Variants in HARS2 observed in about 807,000 individuals in gnomAD.
HARS2 encodes histidyl-tRNA synthetase 2, mitochondrial.
A neutral mutation model predicts 62.4 loss-of-function variants in HARS2; 40 were observed. The observed-to-expected ratio is 0.64, with a 90% CI of 0.50 to 0.83. The LOEUF (loss-of-function observed/expected upper bound fraction) is 0.83, where lower values mean the gene tolerates loss of function less well. HARS2 is among the 40% of genes least tolerant of loss of function. The pLI is 0.00. For synonymous variants in HARS2, 228 were observed against 227.0 expected (o/e 1.00, Z -0.04); for missense variants, 569 against 626.4 (o/e 0.91, Z 0.98).
At position 140,698,050 on chromosome 5, in the gene HARS2, A is replaced by AGATCCGT; in HGVS notation, c.1434_1440dup (p.Ser481AspfsTer13). ...CAAGAACTGAAAGAAGGGGTCATCA[A>AGATCCGT]GATCCGTTCAGTGGCCAGCAGAGAG... On this transcript the variant is annotated frameshift_variant, in exon 12 of 13. Transcript: ENST00000230771. LOFTEE classifies it high-confidence loss of function. 1 of 1,614,232 alleles carries AGATCCGT rather than the reference A, an allele frequency of 6.2e-7. No homozygotes were observed. The highest frequency in any genetic ancestry group is 8.5e-7 in the Non-Finnish European group (1 of 1,180,030).
At chr5:140,693,072 G>A (rs1759587097) in intron 1 of HARS2, among the ~76,000 whole-genome samples, 4 of 151,930 alleles carry the variant, frequency 2.6e-5, no homozygotes, top group Admixed American at 6.6e-5. Flanking sequence ...GGTGGCTCAT[G>A]TCTGTAATCC....
chr5:140,697,649 G>A lies in HARS2; in HGVS notation c.1278G>A (p.Leu426=), dbSNP rs1455515095. The A allele has an allele frequency of 2.5e-6, 4 of 1,613,606 alleles. No individual in the cohort carries two copies. The highest frequency in any genetic ancestry group is 3.4e-6 in the Non-Finnish European group (4 of 1,179,598). The change falls in exon 11 of 13, where the codon TTG becomes TTA. Residue 426 remains leucine, a synonymous_variant. Coordinates refer to ENST00000230771, the MANE Select transcript of HARS2 (RefSeq NM_012208.4). ...AGAAGAACTTTCTCCAAGAACGGTT[G>A]AAGCTTATTGCAGAGCTTTGGGATT... ...TPQKNFLQER[L]KLIAELWDSG...
At chr5:140,697,900 T>A (rs1317617491) in intron 11 of HARS2, 32 bp from the exon 12 acceptor site, 1 of 1,609,760 alleles carries the variant, frequency 6.2e-7, no homozygotes, top group South Asian at 1.1e-5. Context: ...TGTTCACTTC[T>A]AAGTCCCTTA....
In HARS2 at chr5:140,697,368, G is replaced by T. The variant is rs1410411754; in HGVS notation, c.1159G>T (p.Val387Phe). The T allele has an allele frequency of 3.7e-6, 6 of 1,614,082 alleles. No homozygotes were observed. The highest frequency in any genetic ancestry group is 4.2e-6 in the Non-Finnish European group (5 of 1,180,024). Residue 387 changes from valine to phenylalanine, a missense_variant, in exon 10 of 13, where the codon GTT becomes TTT. Transcript: ENST00000230771. ...GCCATGTGTGGGACTCAGCATTGGG[G>T]TTGAGCGAATCTTCTACATTGTGGA... Reference protein sequence around the residue: ...KVPCVGLSIGVERIFYIVEQR... With the variant: ...KVPCVGLSIGFERIFYIVEQR...
At chr5:140,696,810 G>C (rs1230487928) in intron 8 of HARS2, 133 bp from the exon 9 acceptor site, 5 of 959,362 alleles carry the variant, frequency 5.2e-6, no homozygotes, top group Non-Finnish European at 7.9e-6. Flanking sequence ...GGAGGGTCTT[G>C]TCATGTGAGA....
At position 140,695,621 on chromosome 5, in the gene HARS2, G is replaced by C. The variant is rs1239986338; in HGVS notation, c.513G>C (p.Glu171Asp). 2 of 1,614,256 alleles carry C rather than the reference G, an allele frequency of 1.2e-6. No individual in the cohort carries two copies. Among genetic ancestry groups the C allele is most frequent in the Non-Finnish European group, 1.7e-6 (2 of 1,180,046 alleles). ...SPTIVQGRYR[E>D]FCQCDFDIAG... The stretch of plus-strand genomic sequence containing the variant: ...CCATAGTCCAAGGCCGTTATAGGGA[G>C]TTCTGCCAGTGTGTAAGTGACCTGA... Residue 171 changes from glutamate to aspartate, a missense_variant, in exon 5 of 13, where the codon GAG becomes GAC. Coordinates refer to ENST00000230771, the MANE Select transcript of HARS2 (RefSeq NM_012208.4).
At chr5:140,693,402 C>G in intron 1 of HARS2, 189 bp from the exon 2 acceptor site, 1 of 1,118,722 alleles carries the variant, frequency 8.9e-7, no homozygotes, top group Non-Finnish European at 1.3e-6. Context: ...ATATATATTA[C>G]ACGTGTAATT....
chr5:140,697,601 T>C lies in HARS2; in HGVS notation c.1230T>C (p.Thr410=), dbSNP rs1759802623. 6 of 1,613,976 alleles carry C rather than the reference T, an allele frequency of 3.7e-6. No homozygotes were observed. The highest frequency in any genetic ancestry group is 1.6e-4 in the Middle Eastern group (1 of 6,062). ...GTGAGAAGGTGCGGACTACAGAGAC[T>C]CAAGTGTTTGTGGCCACACCACAGA... The part of the protein sequence containing the change: ...TKGEKVRTTE[T]QVFVATPQKN... The change falls in exon 11 of 13, where the codon ACT becomes ACC. Residue 410 remains threonine, a synonymous_variant. Coordinates refer to ENST00000230771, the MANE Select transcript of HARS2 (RefSeq NM_012208.4).
rs544581871 is a variant in HARS2 at position 140,693,368 on chromosome 5, C to T, written c.109-223C>T. The T allele has an allele frequency of 6.1e-6, 5 of 819,878 alleles. No individual in the cohort carries two copies. In the Admixed American group the frequency reaches 1.2e-4, roughly 20 times the overall value. 50.8% of individuals were successfully genotyped at this position (819,878 alleles called of 1,614,324 possible). ...AAAAAATCCATATACAGTGAGGAAGCTTGTGTGGTGAAGACCTGACCTCAT... is the reference window on the plus strand; with the variant it reads ...AAAAAATCCATATACAGTGAGGAAGTTTGTGTGGTGAAGACCTGACCTCAT... On this transcript the variant is annotated intron_variant, in intron 1 of 12. Transcript: ENST00000230771.
At position 140,697,381 on chromosome 5, in the gene HARS2, T is replaced by TC; in HGVS notation, c.1173dup (p.Tyr392LeufsTer12). ...CTCAGCATTGGGGTTGAGCGAATCT[T>TC]CTACATTGTGGAGCAGAGGATGAAG... On this transcript the variant is annotated frameshift_variant, in exon 10 of 13. Coordinates refer to ENST00000230771, the MANE Select transcript of HARS2 (RefSeq NM_012208.4). LOFTEE classifies it high-confidence loss of function. 1 of 1,613,998 alleles carries TC rather than the reference T, an allele frequency of 6.2e-7. No homozygotes were observed. The highest frequency in any genetic ancestry group is 8.5e-7 in the Non-Finnish European group (1 of 1,180,026).
At position 140,694,029 on chromosome 5, in the gene HARS2, T is replaced by A. The variant is rs772577211; in HGVS notation, c.278T>A (p.Met93Lys). The change falls in exon 3 of 13, where the codon ATG becomes AAG. Residue 93 changes from methionine to lysine, a missense_variant. Met to Lys is a moderately conservative substitution (Grantham distance 95). Transcript: ENST00000230771. Reference sequence around the variant, plus strand: ...TTTAAACGTCATGGAGCAAAGGGGATGGACACCCCAGCATTTGAGCTGAAG... The same window carrying A: ...TTTAAACGTCATGGAGCAAAGGGGAAGGACACCCCAGCATTTGAGCTGAAG... ...SCFKRHGAKG[M>K]DTPAFELKET... 2.5e-5 allele frequency: 40 copies of A among 1,614,040 alleles called. No homozygotes were observed. The highest frequency in any genetic ancestry group is 3.3e-5 in the Non-Finnish European group (39 of 1,180,006).
intron 1 of HARS2, 148 bp downstream of exon 1, chr5:140,691,904 C>T (rs1759507463): frequency 3.0e-6 from 2 of 656,156 alleles, no homozygotes; most frequent in Non-Finnish European, 5.5e-6. Flanking sequence ...GATTTGGATG[C>T]CTGGTCATTT....
intron 1 of HARS2, chr5:140,692,217 G>A (rs1022957827): frequency 1.1e-5 from 2 of 188,648 alleles, no homozygotes; most frequent in African/African-American, 4.8e-5. Flanking sequence ...TTTGGATTTT[G>A]GAATTGCAGA....
chr5:140,696,546 A>G lies in HARS2; in HGVS notation c.758A>G (p.Glu253Gly). 1 of 1,613,610 alleles carries G rather than the reference A, an allele frequency of 6.2e-7. No individual in the cohort carries two copies. Among genetic ancestry groups the G allele is most frequent in the Middle Eastern group, 1.6e-4 (1 of 6,062 alleles). Residue 253 changes from glutamate to glycine, a missense_variant, in exon 8 of 13, where the codon GAG (glutamate) becomes GGG (glycine). Coordinates refer to ENST00000230771, the MANE Select transcript of HARS2 (RefSeq NM_012208.4). ...DKMAWKDVRH[E>G]MVVKKGLAPE... Reference sequence around the variant, plus strand: ...ATGGCTTGGAAAGATGTGAGACATGAGATGGTGGTGAAGAAAGGCCTGGCT... The same window carrying G: ...ATGGCTTGGAAAGATGTGAGACATGGGATGGTGGTGAAGAAAGGCCTGGCT...
Position 140,696,577 on chromosome 5 carries a change from G to A in HARS2, c.789G>A (p.Glu263=). The A allele has an allele frequency of 6.2e-7, 1 of 1,613,786 alleles. No homozygotes were observed. Among genetic ancestry groups the A allele is most frequent in the Non-Finnish European group, 8.5e-7 (1 of 1,179,656 alleles). ...EMVVKKGLAP[E]VADRIGDYVQ... The stretch of plus-strand genomic sequence containing the variant: ...TGGTGAAGAAAGGCCTGGCTCCTGA[G>A]GTGGCTGATCGAATTGGGGACTATG... The change falls in exon 8 of 13, where the codon GAG becomes GAA. Residue 263 remains glutamate (E), a synonymous_variant. Coordinates refer to ENST00000230771, the MANE Select transcript of HARS2 (RefSeq NM_012208.4).
Position 140,697,647 on chromosome 5 carries a change from T to C in HARS2, c.1276T>C (p.Leu426=), listed in dbSNP as rs575506078. ...TPQKNFLQER[L]KLIAELWDSG... ...ACAGAAGAACTTTCTCCAAGAACGG[T>C]TGAAGCTTATTGCAGAGCTTTGGGA... is the stretch of plus-strand genomic sequence containing the variant. Residue 426 remains leucine (L), a synonymous_variant, in exon 11 of 13, where the codon TTG becomes CTG. Transcript: ENST00000230771. 8.7e-6 allele frequency: 14 copies of C among 1,613,694 alleles called. No homozygotes were observed. The highest frequency in any genetic ancestry group is 4.0e-5 in the African/African-American group (3 of 75,040).
Position 140,696,592 on chromosome 5 carries a change from TG to T in HARS2, c.808del (p.Asp270ThrfsTer11). The T allele has an allele frequency of 1.2e-6, 2 of 1,611,330 alleles. No homozygotes were observed. The highest frequency in any genetic ancestry group is 8.5e-7 in the Non-Finnish European group (1 of 1,177,400). On this transcript the variant is annotated frameshift_variant, in exon 8 of 13. Coordinates refer to ENST00000230771, the MANE Select transcript of HARS2 (RefSeq NM_012208.4). LOFTEE classifies it high-confidence loss of function. Reference protein sequence around the residue: ...GLAPEVADRIGDYVQCHGGVS... With the variant: ...GLAPEVADRIXDYVQCHGGVS... ...TGGCTCCTGAGGTGGCTGATCGAAT[TG>T]GGGACTATGTCCAGTGTCATGGTAA...
rs765116245 is a variant in HARS2 at position 140,698,057 on chromosome 5, T to C, written c.1440T>C (p.Arg480=). ...TGAAAGAAGGGGTCATCAAGATCCG[T>C]TCAGTGGCCAGCAGAGAGGAGGTGA... ...QELKEGVIKI[R]SVASREEVAI... is the part of the protein sequence containing the mutation. Residue 480 remains arginine, a synonymous_variant, in exon 12 of 13, where the codon CGT becomes CGC. Coordinates refer to ENST00000230771, the MANE Select transcript of HARS2 (RefSeq NM_012208.4). 6.2e-7 allele frequency: 1 copy of C among 1,614,194 alleles called. No homozygotes were observed. Among genetic ancestry groups the C allele is most frequent in the Admixed American group, 1.7e-5 (1 of 60,016 alleles).
In HARS2 at chr5:140,694,030, G is replaced by A. The variant is rs780657375; in HGVS notation, c.279G>A (p.Met93Ile). The A allele has an allele frequency of 6.2e-7, 1 of 1,614,120 alleles. No individual in the cohort carries two copies. The highest frequency in any genetic ancestry group is 8.5e-7 in the Non-Finnish European group (1 of 1,179,944). Residue 93 changes from methionine to isoleucine, a missense_variant, in exon 3 of 13, where the codon ATG becomes ATA. By Grantham distance (10) the Met-to-Ile change is conservative. Transcript: ENST00000230771. ...TTAAACGTCATGGAGCAAAGGGGAT[G>A]GACACCCCAGCATTTGAGCTGAAGG... ...SCFKRHGAKG[M>I]DTPAFELKET...
Sources: allele counts gnomAD v4.1 joint callset (sites outside exome capture counted in the v4.1 genomes callset), GRCh38; gene constraint gnomAD v4.1.1; transcripts MANE v1.5; gene names NCBI Gene and HGNC (gene_info 2026-07-23, HGNC 2026-07-21).